The following PIK3C2G variants were observed in gnomAD, a reference collection of about 807,000 sequenced individuals.
PIK3C2G encodes the protein phosphatidylinositol 3-kinase C2 domain-containing subunit gamma.
A neutral mutation model predicts 181.1 loss-of-function variants in PIK3C2G; 168 were observed. The observed-to-expected ratio is 0.93, with a 90% CI of 0.82 to 1.05. The LOEUF (loss-of-function observed/expected upper bound fraction) is 1.05. PIK3C2G is among the 50% of genes least tolerant of loss of function. The pLI, the probability that PIK3C2G is intolerant of heterozygous loss-of-function variation, is 0.00. For missense variants in PIK3C2G, 1,869 were observed against 1,732.8 expected, an observed-to-expected ratio of 1.08 and a Z score of -1.40; for synonymous variants, 573 against 592.2, an observed-to-expected ratio of 0.97 and a Z score of 0.47.
At chr12:18,710,269 T>A in the PIK3C2G span, among the ~76,000 whole-genome samples, 3 of 151,076 alleles carry the variant, frequency 2.0e-5, no homozygotes, top group Non-Finnish European at 2.9e-5. Context: ...CTATTTTTTT[T>A]AATTCATTTT....
At chr12:18,362,971 T>C (rs1318809555) in intron 12 of PIK3C2G, 85 bp downstream of exon 12, 33 of 1,095,370 alleles carry the variant, frequency 3.0e-5, no homozygotes, top group Non-Finnish European at 3.7e-5. Context: ...AGGGATGTAA[T>C]TTAAAAAAAA....
At position 18,469,083 on chromosome 12, in the gene PIK3C2G, T is replaced by A. The variant is rs536418846; in HGVS notation, c.2505-19366T>A. On this transcript the variant is annotated intron_variant, in intron 18 of 32. Coordinates refer to ENST00000538779, the MANE Select transcript of PIK3C2G (RefSeq NM_001288772.2). Reference sequence around the variant, plus strand: ...TTATTACACACATTCCTTGATCATATACCCAGATTGCTTCAATCAGCTAAT... The same window carrying A: ...TTATTACACACATTCCTTGATCATAAACCCAGATTGCTTCAATCAGCTAAT... Among the ~76,000 whole-genome samples, 20 of 152,252 alleles carry A rather than the reference T, an allele frequency of 1.3e-4. No homozygotes were observed. In the South Asian group the frequency reaches 3.7e-3, roughly 28 times the overall value.
At chr12:18,339,922 T>C (rs1170149021) in intron 9 of PIK3C2G, among the ~76,000 whole-genome samples, 1 of 152,152 alleles carries the variant, frequency 6.6e-6, no homozygotes, top group Non-Finnish European at 1.5e-5. Flanking sequence ...ATTTAAATAA[T>C]GTAAACAATA....
upstream of PIK3C2G, among the ~76,000 whole-genome samples, chr12:18,244,974 T>C (rs1349845996): frequency 6.6e-6 from 1 of 152,136 alleles, no homozygotes; most frequent in Non-Finnish European, 1.5e-5. Context: ...AAGTTCTCTG[T>C]TCCCTCTTAG....
At chr12:18,493,967 G>A (rs990488212) in intron 20 of PIK3C2G, among the ~76,000 whole-genome samples, 1 of 152,146 alleles carries the variant, frequency 6.6e-6, no homozygotes, top group African/African-American at 2.4e-5. Flanking sequence ...GGGAGGAACT[G>A]AATGCAATTC....
intron 1 of PIK3C2G, among the ~76,000 whole-genome samples, chr12:18,274,654 G>T (rs80204864): frequency 8.6e-5 from 13 of 152,002 alleles, no homozygotes; most frequent in African/African-American, 1.7e-4. Context: ...GGACTGTTGT[G>T]GGGTGGGGGC....
At chr12:18,505,213 T>C in intron 23 of PIK3C2G, 79 bp from the exon 24 acceptor site, 1 of 1,247,142 alleles carries the variant, frequency 8.0e-7, no homozygotes. Context: ...ATCATTTACT[T>C]TTTATGATTA....
chr12:18,597,657 A>G (rs901453410), intron 30 of PIK3C2G, among the ~76,000 whole-genome samples: 13 of 152,058 alleles, frequency 8.5e-5, no homozygotes, highest in South Asian at 2.1e-4. Flanking sequence ...GGGCAATTAG[A>G]CAGGAGAAGG....
chr12:18,402,396 C>T (rs997441042), intron 16 of PIK3C2G, among the ~76,000 whole-genome samples: 1 of 152,056 alleles, frequency 6.6e-6, no homozygotes, highest in Admixed American at 6.6e-5. Context: ...TGGAGATTGA[C>T]TGCTAATGGG....
upstream of PIK3C2G, among the ~76,000 whole-genome samples, chr12:18,258,694 C>G (rs1948173416): frequency 6.6e-6 from 1 of 150,564 alleles, no homozygotes; most frequent in South Asian, 2.1e-4. Flanking sequence ...AGATGAATCT[C>G]TCATCTATGT....
chr12:18,301,991 G>A (rs558987200), intron 5 of PIK3C2G, among the ~76,000 whole-genome samples: 1 of 152,170 alleles, frequency 6.6e-6, no homozygotes, highest in Non-Finnish European at 1.5e-5. Context: ...AATGATTTCT[G>A]TAATTTCCTC....
intron 15 of PIK3C2G, among the ~76,000 whole-genome samples, chr12:18,394,893 A>G (rs1190756860): frequency 3.3e-5 from 5 of 151,936 alleles, no homozygotes; most frequent in Non-Finnish European, 7.4e-5. Flanking sequence ...AGATGGCCAA[A>G]TTTTACAAAT....
chr12:18,389,125 G>A (rs537212089), intron 14 of PIK3C2G, among the ~76,000 whole-genome samples: 1 of 152,256 alleles, frequency 6.6e-6, no homozygotes, highest in Non-Finnish European at 1.5e-5. Flanking sequence ...GGCCGAGGCG[G>A]GTGGATCACA....
intron 18 of PIK3C2G, among the ~76,000 whole-genome samples, chr12:18,482,413 T>G (rs1939651337): frequency 6.6e-6 from 1 of 152,052 alleles, no homozygotes; most frequent in South Asian, 2.1e-4. Context: ...CTGGCTACCT[T>G]GGGGTTACCA....
At chr12:18,442,539 A>G (rs1319694215) in intron 18 of PIK3C2G, among the ~76,000 whole-genome samples, 1 of 152,188 alleles carries the variant, frequency 6.6e-6, no homozygotes, top group Admixed American at 6.6e-5. Flanking sequence ...GGGTTTTGAA[A>G]CAGTATTTTG....
chr12:18,358,540 C>A (rs897602954), intron 11 of PIK3C2G: 6 of 345,414 alleles, frequency 1.7e-5, no homozygotes, highest in Non-Finnish European at 2.8e-5. Flanking sequence ...GGTGTCATAC[C>A]TTTCTGCCAC....
chr12:18,352,773 A>C (rs1305516281), intron 11 of PIK3C2G, among the ~76,000 whole-genome samples: 2 of 152,170 alleles, frequency 1.3e-5, no homozygotes, highest in African/African-American at 4.8e-5. Context: ...TCTGGAGTTC[A>C]GCCATTCCTG....
In PIK3C2G at chr12:18,564,376, G is replaced by T. The variant is rs1403706481; in HGVS notation, c.3902+878G>T. On this transcript the variant is annotated intron_variant, in intron 28 of 32. Transcript: ENST00000538779. ...TACAGTGAGATTTTTGTTAAGTAAAGTAAATGGTCCTTTTATGATGTAATT... is the reference window on the plus strand; with the variant it reads ...TACAGTGAGATTTTTGTTAAGTAAATTAAATGGTCCTTTTATGATGTAATT... Among the ~76,000 whole-genome samples the T allele has an allele frequency of 2.0e-5, 3 of 151,180 alleles. No individual in the cohort carries two copies. In the Admixed American group the frequency reaches 2.0e-4, roughly 10 times the overall value.
chr12:18,406,187 C>T (rs919042161), intron 16 of PIK3C2G, among the ~76,000 whole-genome samples: 7 of 152,108 alleles, frequency 4.6e-5, no homozygotes, highest in Admixed American at 6.6e-5. Context: ...CAAGTTCATT[C>T]GTGCTATCAT....
Sources: allele counts gnomAD v4.1 joint callset (sites outside exome capture counted in the v4.1 genomes callset), GRCh38; gene constraint gnomAD v4.1.1; transcripts MANE v1.5; gene names NCBI Gene and HGNC (gene_info 2026-07-23, HGNC 2026-07-21).